Variants in FBXW8 observed in about 807,000 individuals in gnomAD.
FBXW8 encodes the protein F-box/WD repeat-containing protein 8.
In FBXW8, 57 loss-of-function variants were observed where a neutral mutation model predicts 65.3. That is an observed-to-expected ratio of 0.87 (90% confidence interval 0.71 to 1.09). The LOEUF (loss-of-function observed/expected upper bound fraction) is 1.09. Ranked by LOEUF, FBXW8 falls within the 50% of genes least tolerant of loss-of-function variation. The pLI, the probability that FBXW8 is intolerant of heterozygous loss-of-function variation, is 0.00. For synonymous variants in FBXW8, 308 were observed against 330.2 expected, an observed-to-expected ratio of 0.93 and a Z score of 0.73; for missense variants, 777 against 814.8, an observed-to-expected ratio of 0.95 and a Z score of 0.57.
intron 5 of FBXW8, among the ~76,000 whole-genome samples, chr12:116,967,951 A>C (rs1170477568): frequency 6.6e-6 from 1 of 152,106 alleles, no homozygotes; most frequent in Non-Finnish European, 1.5e-5. Context: ...TATTTTTAGT[A>C]GAGCTGGGCT....
In FBXW8 at chr12:116,934,955, CCTTT is replaced by C. The variant is rs150541038; in HGVS notation, c.423+6830_423+6833del. 8.2e-3 allele frequency among the ~76,000 whole-genome samples: 1,249 copies of C among 152,278 alleles called. 55 individuals carry two copies. The South Asian group carries it at 0.1, about 13-fold the overall frequency. On this transcript the variant is annotated intron_variant, in intron 2 of 10. Transcript: ENST00000652555. ...CACTGGCCTCAAGTCCTTCCCCGACCCTTTCACCCCCAGCTCCATCTCTAACCCC... is the reference window on the plus strand; with the variant it reads ...CACTGGCCTCAAGTCCTTCCCCGACCCACCCCCAGCTCCATCTCTAACCCC...
intron 2 of FBXW8, among the ~76,000 whole-genome samples, chr12:116,932,521 T>G (rs1393549511): frequency 6.6e-6 from 1 of 152,178 alleles, no homozygotes; most frequent in African/African-American, 2.4e-5. Flanking sequence ...ACAGGACCAT[T>G]TAGACAGTTT....
intron 2 of FBXW8, among the ~76,000 whole-genome samples, chr12:116,937,363 G>C (rs1406291863): frequency 6.6e-6 from 1 of 152,184 alleles, no homozygotes; most frequent in Non-Finnish European, 1.5e-5. Flanking sequence ...AATGTAAATA[G>C]AGGAGGGGTT....
chr12:116,913,213 T>A (rs1272133797), intron 1 of FBXW8, among the ~76,000 whole-genome samples: 2 of 152,242 alleles, frequency 1.3e-5, no homozygotes, highest in Non-Finnish European at 2.9e-5. Flanking sequence ...CTGTATAGCC[T>A]CCTTTGGTTT....
At chr12:117,018,200 A>G (rs560360052) in intron 8 of FBXW8, among the ~76,000 whole-genome samples, 2 of 152,324 alleles carry the variant, frequency 1.3e-5, no homozygotes, top group South Asian at 4.1e-4. Context: ...TTTTCATTAG[A>G]GAGGGGCTGG....
chr12:116,977,072 T>A (rs77465281), intron 5 of FBXW8, among the ~76,000 whole-genome samples: 1 of 152,188 alleles, frequency 6.6e-6, no homozygotes. Context: ...GGGATTTGCA[T>A]TGGTATCTGA....
chr12:116,967,653 G>T (rs1230767478), intron 5 of FBXW8, among the ~76,000 whole-genome samples: 4 of 152,100 alleles, frequency 2.6e-5, no homozygotes, highest in African/African-American at 4.8e-5. Context: ...CAAATTGTTT[G>T]TTCCTGTCTT....
intron 2 of FBXW8, among the ~76,000 whole-genome samples, chr12:116,939,247 AT>A (rs1449854054): frequency 6.6e-6 from 1 of 152,186 alleles, no homozygotes; most frequent in African/African-American, 2.4e-5. Context: ...TCATTGGAGC[AT>A]TTTGGATTTT....
intron 4 of FBXW8, among the ~76,000 whole-genome samples, chr12:116,964,279 G>T (rs1457464282): frequency 6.6e-6 from 1 of 152,218 alleles, no homozygotes. Flanking sequence ...TTAGTTCTGA[G>T]TATCCCTGCA....
chr12:116,966,751 G>A (rs146225684), intron 5 of FBXW8, among the ~76,000 whole-genome samples: 25 of 151,940 alleles, frequency 1.6e-4, no homozygotes, highest in Middle Eastern at 6.8e-3. Context: ...GTTTTGCTGT[G>A]CCACCCAGGC....
At chr12:116,923,605 G>T (rs1593041883) in intron 1 of FBXW8, among the ~76,000 whole-genome samples, 2 of 151,866 alleles carry the variant, frequency 1.3e-5, no homozygotes, top group African/African-American at 4.8e-5. Flanking sequence ...CTCACTGTAA[G>T]CTCTGCCTGC....
chr12:116,950,753 A>G (rs1883219967), intron 4 of FBXW8: 1 of 152,216 alleles, frequency 6.6e-6, no homozygotes, highest in Non-Finnish European at 1.5e-5. Context: ...AACTAGTTTT[A>G]GAAAGGTTGA....
At chr12:116,962,618 G>T (rs547327054) in intron 4 of FBXW8, among the ~76,000 whole-genome samples, 5 of 152,328 alleles carry the variant, frequency 3.3e-5, no homozygotes, top group Non-Finnish European at 7.4e-5. Context: ...TTCTGAACGT[G>T]CCTTACTTTT....
At chr12:117,014,862 C>G (rs1417626225) in intron 8 of FBXW8, among the ~76,000 whole-genome samples, 2 of 152,120 alleles carry the variant, frequency 1.3e-5, no homozygotes, top group African/African-American at 4.8e-5. Context: ...TTATGGGATC[C>G]CTTTCTTGAG....
chr12:116,970,366 TG>T (rs1289187749), intron 5 of FBXW8, among the ~76,000 whole-genome samples: 1 of 152,164 alleles, frequency 6.6e-6, no homozygotes, highest in Admixed American at 6.5e-5. Flanking sequence ...CACGGCAAAG[TG>T]GCTTATCCAC....
rs1212541733 is a variant in FBXW8 at position 116,964,779 on chromosome 12, G to T, written c.760G>T (p.Asp254Tyr). 3.7e-6 allele frequency: 6 copies of T among 1,613,344 alleles called. No homozygotes were observed. In the African/African-American group the frequency reaches 5.3e-5, roughly 14 times the overall value. Residue 254 changes from aspartate (D) to tyrosine (Y), a missense_variant, in exon 5 of 11, where the codon GAT (aspartate) becomes TAT (tyrosine). Coordinates refer to ENST00000652555, the MANE Select transcript of FBXW8 (RefSeq NM_153348.3). ...CTTCCTGGAATCAGAGGACGAGGAGGATGAGCCTGGAATGCAGCCAAATGT... is the reference window on the plus strand; with the variant it reads ...CTTCCTGGAATCAGAGGACGAGGAGTATGAGCCTGGAATGCAGCCAAATGT... ...APFLESEDEEDEPGMQPNVSF... is the reference protein window; with the variant it reads ...APFLESEDEEYEPGMQPNVSF...
Position 117,023,128 on chromosome 12 carries a change from A to AAAAT in FBXW8, c.1368-1016_1368-1013dup, listed in dbSNP as rs1364928649. ...AAGCTAGGTATAGAATTGTTGGTTC[A>AAAAT]AAATAATTTTCCCTCAGAACTTGGA... On this transcript the variant is annotated intron_variant, in intron 8 of 10. Transcript: ENST00000652555. Among the ~76,000 whole-genome samples, 9 of 152,334 alleles carry AAAAT rather than the reference A, an allele frequency of 5.9e-5. No homozygotes were observed. In the South Asian group the frequency reaches 1.7e-3, roughly 28 times the overall value.
intron 8 of FBXW8, among the ~76,000 whole-genome samples, chr12:117,019,718 CAAGA>C (rs1438379006): frequency 7.2e-5 from 11 of 152,218 alleles, no homozygotes; most frequent in African/African-American, 1.9e-4. Context: ...CCTCTCAGCT[CAAGA>C]AAGAGAGTGT....
intron 5 of FBXW8, among the ~76,000 whole-genome samples, chr12:116,968,556 G>T (rs1004448037): frequency 6.6e-6 from 1 of 152,174 alleles, no homozygotes; most frequent in Non-Finnish European, 1.5e-5. Context: ...TGTGTTTGCC[G>T]TTACAGTGTT....
Sources: allele counts gnomAD v4.1 joint callset (sites outside exome capture counted in the v4.1 genomes callset), GRCh38; gene constraint gnomAD v4.1.1; transcripts MANE v1.5; gene names NCBI Gene and HGNC (gene_info 2026-07-23, HGNC 2026-07-21).